SGCZ: variants seen among roughly 807,000 people sequenced by gnomAD.
SGCZ encodes the protein sarcoglycan zeta, also known as zeta-sarcoglycan.
In SGCZ, 40 loss-of-function variants were observed where a neutral mutation model predicts 41.3. The observed-to-expected ratio is 0.97, with a 90% CI of 0.75 to 1.26. SGCZ has a LOEUF of 1.26. Among genes scored for constraint, SGCZ ranks in the 50% most tolerant of loss-of-function variants. The pLI is 0.00. For synonymous variants in SGCZ, 206 were observed against 137.5 expected (o/e 1.50, Z -3.49); for missense variants, 552 against 369.8 (o/e 1.49, Z -4.04).
intron 5 of SGCZ, among the ~76,000 whole-genome samples, chr8:14,119,893 T>G (rs1176679040): frequency 6.6e-6 from 1 of 152,204 alleles, no homozygotes; most frequent in African/African-American, 2.4e-5. Flanking sequence ...GAACCAGCCT[T>G]GCATCCCAGG....
intron 2 of SGCZ, among the ~76,000 whole-genome samples, chr8:14,436,111 C>T (rs1800083785): frequency 6.6e-6 from 1 of 152,144 alleles, no homozygotes; most frequent in African/African-American, 2.4e-5. Context: ...AAACTTCTGT[C>T]TAGCAGGAAG....
intron 2 of SGCZ, among the ~76,000 whole-genome samples, chr8:14,350,698 C>T (rs1051323273): frequency 6.6e-6 from 1 of 152,026 alleles, no homozygotes; most frequent in African/African-American, 2.4e-5. Flanking sequence ...ACAGTTCAGC[C>T]TCTCCCTCTG....
intron 1 of SGCZ, among the ~76,000 whole-genome samples, chr8:14,826,568 T>C (rs1388143126): frequency 6.6e-6 from 1 of 152,174 alleles, no homozygotes; most frequent in African/African-American, 2.4e-5. Context: ...GAAGTGTTCC[T>C]ATTTCTCCAC....
chr8:14,959,342 T>G (rs1047149889), intron 1 of SGCZ, among the ~76,000 whole-genome samples: 4 of 152,128 alleles, frequency 2.6e-5, no homozygotes, highest in Admixed American at 6.6e-5. Flanking sequence ...TGGTTGGTTG[T>G]TTGGTATATT....
At chr8:14,310,558 G>C (rs1585347705) in intron 3 of SGCZ, among the ~76,000 whole-genome samples, 1 of 151,930 alleles carries the variant, frequency 6.6e-6, no homozygotes, top group Non-Finnish European at 1.5e-5. Context: ...ACAATGTGCA[G>C]GTTAGCACCT....
At chr8:14,415,819 A>G (rs1456954318) in intron 2 of SGCZ, among the ~76,000 whole-genome samples, 1 of 151,980 alleles carries the variant, frequency 6.6e-6, no homozygotes, top group East Asian at 1.9e-4. Flanking sequence ...TACATATTAC[A>G]GATGATCAGT....
intron 1 of SGCZ, 99 bp from the exon 2 acceptor site, chr8:14,555,025 T>C: frequency 9.4e-7 from 1 of 1,066,098 alleles, no homozygotes; most frequent in Non-Finnish European, 1.3e-6. Context: ...ACAATGTACG[T>C]TAAAATAATT....
chr8:14,916,004 T>C (rs1799425274), intron 1 of SGCZ, among the ~76,000 whole-genome samples: 2 of 152,316 alleles, frequency 1.3e-5, no homozygotes, highest in South Asian at 2.1e-4. Flanking sequence ...CTTTTAAAAA[T>C]TGCAAGTAGA....
In SGCZ at chr8:15,168,237, TCA is replaced by T. The variant is rs1799722079; in HGVS notation, c.39+69346_39+69347del. ...GGAAGGAAAACTGGGTCTAAGGGAT[TCA>T]GAGGCAGATGACAACAGAGCTTAAA... On this transcript the variant is annotated intron_variant, in intron 1 of 7. Coordinates refer to ENST00000382080, the MANE Select transcript of SGCZ (RefSeq NM_139167.4). Among the ~76,000 whole-genome samples the T allele has an allele frequency of 2.0e-5, 3 of 152,234 alleles. No individual in the cohort carries two copies. In the East Asian group the frequency reaches 5.8e-4, roughly 30 times the overall value.
At chr8:14,762,125 C>A (rs1277069249) in intron 1 of SGCZ, among the ~76,000 whole-genome samples, 2 of 152,116 alleles carry the variant, frequency 1.3e-5, no homozygotes, top group African/African-American at 4.8e-5. Flanking sequence ...AGCGTTCTAT[C>A]TACTTCTAAT....
intron 1 of SGCZ, among the ~76,000 whole-genome samples, chr8:15,083,835 C>T (rs1201339773): frequency 6.6e-6 from 1 of 152,176 alleles, no homozygotes; most frequent in African/African-American, 2.4e-5. Flanking sequence ...CTCAAACAGT[C>T]TTCCCACCTC....
intron 1 of SGCZ, among the ~76,000 whole-genome samples, chr8:15,097,070 C>A (rs181828075): frequency 6.6e-6 from 1 of 152,082 alleles, no homozygotes. Flanking sequence ...CCTGCCTCAG[C>A]CTCCTGAATA....
At chr8:15,093,242 G>A (rs570096863) in intron 1 of SGCZ, among the ~76,000 whole-genome samples, 1 of 152,294 alleles carries the variant, frequency 6.6e-6, no homozygotes, top group Non-Finnish European at 1.5e-5. Flanking sequence ...GCCTCTCACT[G>A]AAAGTCACAA....
intron 1 of SGCZ, among the ~76,000 whole-genome samples, chr8:14,731,896 T>A (rs1030258391): frequency 5.9e-5 from 9 of 152,142 alleles, no homozygotes; most frequent in Non-Finnish European, 1.0e-4. Flanking sequence ...CTAGCAGATC[T>A]CTGACCTATT....
In SGCZ at chr8:15,048,818, C is replaced by T. The variant is rs905691596; in HGVS notation, c.39+188767G>A. Among the ~76,000 whole-genome samples, 9 of 151,686 alleles carry T rather than the reference C, an allele frequency of 5.9e-5. No individual in the cohort carries two copies. In the South Asian group the frequency reaches 6.2e-4, roughly 11 times the overall value. On this transcript the variant is annotated intron_variant, in intron 1 of 7. Coordinates refer to ENST00000382080, the MANE Select transcript of SGCZ (RefSeq NM_139167.4). ...AAACTGTGTGAAGTTGTTTTTTTAA[C>T]GTAAGAAAAGAGACTCTTCAGAAAC...
At chr8:15,155,085 A>G (rs938255640) in intron 1 of SGCZ, among the ~76,000 whole-genome samples, 1 of 152,144 alleles carries the variant, frequency 6.6e-6, no homozygotes. Flanking sequence ...TGAGCCCAGG[A>G]GTTCGAGACC....
At chr8:14,721,279 C>T (rs1161318884) in intron 1 of SGCZ, among the ~76,000 whole-genome samples, 2 of 152,118 alleles carry the variant, frequency 1.3e-5, no homozygotes, top group Non-Finnish European at 2.9e-5. Context: ...TTTGTATCTC[C>T]ATCTCATCTT....
chr8:14,648,528 G>C (rs190804241), intron 1 of SGCZ, among the ~76,000 whole-genome samples: 1 of 152,078 alleles, frequency 6.6e-6, no homozygotes, highest in Non-Finnish European at 1.5e-5. Flanking sequence ...TAAGATTAAA[G>C]GTTCCAAACT....
intron 1 of SGCZ, among the ~76,000 whole-genome samples, chr8:14,926,781 C>T (rs1799766057): frequency 6.6e-6 from 1 of 152,014 alleles, no homozygotes; most frequent in African/African-American, 2.4e-5. Flanking sequence ...GCTGGGATTA[C>T]AGGCATGCGC....
Sources: gnomAD v4.1 joint callset for allele counts (sites outside exome capture counted in the v4.1 genomes callset) on GRCh38, gnomAD v4.1.1 for gene constraint, MANE v1.5 for transcripts, NCBI Gene and HGNC (gene_info 2026-07-23, HGNC 2026-07-21) for gene names.